The following KIAA0513 variants were observed in gnomAD, a reference collection of about 807,000 sequenced individuals.
KIAA0513 encodes the protein KIAA0513.
A neutral mutation model predicts 56.5 loss-of-function variants in KIAA0513; 39 were observed. The observed-to-expected ratio is 0.69, with a 90% CI of 0.53 to 0.90. The LOEUF is 0.90. Among genes scored for constraint, KIAA0513 ranks in the 40% least tolerant of loss-of-function variants. The pLI is 0.00. For synonymous variants in KIAA0513, 268 were observed against 215.6 expected (o/e 1.24, Z -2.13); for missense variants, 591 against 535.2 (o/e 1.10, Z -1.03).
chr16:85,079,032 C>T, intron 8 of KIAA0513, 29 bp downstream of exon 8: 1 of 1,614,066 alleles, frequency 6.2e-7, no homozygotes, highest in Non-Finnish European at 8.5e-7. Flanking sequence ...CTTCCCGTCA[C>T]CCTCTTACTG....
intron 1 of KIAA0513, among the ~76,000 whole-genome samples, chr16:85,038,059 G>A (rs1340941588): frequency 6.6e-6 from 1 of 152,210 alleles, no homozygotes; most frequent in Non-Finnish European, 1.5e-5. Context: ...GTATTCCCAA[G>A]TCTGTAACTT....
chr16:85,055,598 G>A (rs1051718110), intron 1 of KIAA0513, among the ~76,000 whole-genome samples: 2 of 152,142 alleles, frequency 1.3e-5, no homozygotes, highest in Non-Finnish European at 2.9e-5. Context: ...CTTGACCTCA[G>A]CCCTCACCAC....
intron 10 of KIAA0513, among the ~76,000 whole-genome samples, chr16:85,083,306 T>C (rs940604126): frequency 2.6e-5 from 4 of 152,180 alleles, no homozygotes; most frequent in African/African-American, 9.6e-5. Flanking sequence ...TCTGCCTCTT[T>C]AAATAGAGTC....
At chr16:85,069,162 C>G (rs142672797) in intron 2 of KIAA0513, among the ~76,000 whole-genome samples, 3,003 of 151,822 alleles carry the variant, frequency 0.02, 45 homozygotes, top group South Asian at 0.052. Flanking sequence ...TCCCGAGTAG[C>G]TGGGACTATA....
intron 10 of KIAA0513, among the ~76,000 whole-genome samples, chr16:85,083,373 G>T (rs576930248): frequency 6.6e-6 from 1 of 152,290 alleles, no homozygotes; most frequent in South Asian, 2.1e-4. Flanking sequence ...TCTAATCAGT[G>T]GTATGTCTGT....
intron 1 of KIAA0513, among the ~76,000 whole-genome samples, chr16:85,054,546 C>T (rs1205025763): frequency 6.6e-6 from 1 of 151,232 alleles, no homozygotes; most frequent in Admixed American, 6.6e-5. Context: ...TTCTCTGTCT[C>T]AGCCTCCCAA....
intron 12 of KIAA0513, among the ~76,000 whole-genome samples, chr16:85,087,908 G>C (rs1010755720): frequency 6.6e-6 from 1 of 152,230 alleles, no homozygotes; most frequent in Non-Finnish European, 1.5e-5. Context: ...GGGGGATGCT[G>C]CCACCTCTCC....
At position 85,075,780 on chromosome 16, in the gene KIAA0513, G is replaced by T; in HGVS notation, c.504-64G>T. On this transcript the variant is annotated intron_variant, in intron 4 of 12. Transcript: ENST00000683363. ...TGTGTCAAGTGTCTCAGTGATGTCTGACCGACTTGCAGGAAGAAGCAGGTG... is the reference window on the plus strand; with the variant it reads ...TGTGTCAAGTGTCTCAGTGATGTCTTACCGACTTGCAGGAAGAAGCAGGTG... 3 of 1,462,130 alleles carry T rather than the reference G, an allele frequency of 2.1e-6. No individual in the cohort carries two copies. The South Asian group carries it at 3.4e-5, about 17-fold the overall frequency. The allele number at this position is 1,462,130 out of a possible 1,614,324, so 90.6% of individuals were successfully genotyped here. A position where few individuals can be genotyped will look rare whatever the true frequency, so the allele number is the denominator to read the frequency against.
intron 1 of KIAA0513, chr16:85,063,443 T>A (rs1167697840): frequency 6.6e-6 from 1 of 152,226 alleles, no homozygotes; most frequent in Admixed American, 6.5e-5. Flanking sequence ...TTTTTGTGTT[T>A]TTAGTAGAGA....
At chr16:85,059,108 G>A (rs781505814) in intron 1 of KIAA0513, among the ~76,000 whole-genome samples, 18 of 152,166 alleles carry the variant, frequency 1.2e-4, no homozygotes, top group Non-Finnish European at 2.4e-4. Flanking sequence ...TGGACTGTTG[G>A]ACCAACTATT....
At chr16:85,061,564 G>A (rs28706438) in intron 1 of KIAA0513, among the ~76,000 whole-genome samples, 12,668 of 152,152 alleles carry the variant, frequency 0.083, 1,691 homozygotes, top group African/African-American at 0.28. Flanking sequence ...TTGGGGACAC[G>A]AAAAGAGAGG....
At position 85,094,205 on chromosome 16, in the gene KIAA0513, G is replaced by A. The variant is rs1567554100; in HGVS notation, c.*5880G>A. 1 of 151,960 alleles carries A rather than the reference G, an allele frequency of 6.6e-6. No individual in the cohort carries two copies. The highest frequency in any genetic ancestry group is 1.5e-5 in the Non-Finnish European group (1 of 67,980). 9.4% of individuals were successfully genotyped at this position (151,960 alleles called of 1,614,324 possible). A position where few individuals can be genotyped will look rare whatever the true frequency, so the allele number is the denominator to read the frequency against. On this transcript the variant is annotated 3_prime_UTR_variant, in exon 13 of 13. Coordinates refer to ENST00000683363, the MANE Select transcript of KIAA0513 (RefSeq NM_001388359.1). ...CTTGAGTTGTCAGAAGGTAGAAACTGAAATAAACTAACTTTAAAAAAAAAA... is the reference window on the plus strand; with the variant it reads ...CTTGAGTTGTCAGAAGGTAGAAACTAAAATAAACTAACTTTAAAAAAAAAA...
intron 1 of KIAA0513, among the ~76,000 whole-genome samples, chr16:85,048,010 C>G (rs1291144522): frequency 6.6e-6 from 1 of 151,988 alleles, no homozygotes; most frequent in Non-Finnish European, 1.5e-5. Flanking sequence ...TGTGGAGTAA[C>G]CATAAGGAAA....
At chr16:85,029,511 G>T (rs971260551) in intron 1 of KIAA0513, among the ~76,000 whole-genome samples, 1 of 152,168 alleles carries the variant, frequency 6.6e-6, no homozygotes, top group Admixed American at 6.5e-5. Context: ...CTCTTTTCAC[G>T]ACAATAACTG....
intron 1 of KIAA0513, among the ~76,000 whole-genome samples, chr16:85,049,354 A>G (rs66867926): frequency 0.4 from 61,033 of 152,074 alleles, 13,681 homozygotes; most frequent in African/African-American, 0.61. Flanking sequence ...CTGAGCACCA[A>G]ATCCAAAGAC....
intron 1 of KIAA0513, among the ~76,000 whole-genome samples, chr16:85,043,990 A>C (rs2073138129): frequency 6.6e-6 from 1 of 152,190 alleles, no homozygotes; most frequent in South Asian, 2.1e-4. Flanking sequence ...AGATTGCGCC[A>C]GTGCACTCCA....
chr16:85,067,566 C>G (rs2073506051), intron 2 of KIAA0513, among the ~76,000 whole-genome samples, 166 bp downstream of exon 2: 1 of 152,194 alleles, frequency 6.6e-6, no homozygotes, highest in South Asian at 2.1e-4. Context: ...CCACTCCAGG[C>G]TGCATGCAGA....
In KIAA0513 at chr16:85,053,731, G is replaced by A. The variant is rs560034721; in HGVS notation, c.-172-13169G>A. 7.2e-5 allele frequency among the ~76,000 whole-genome samples: 11 copies of A among 152,250 alleles called. No individual in the cohort carries two copies. The South Asian group carries it at 1.7e-3, about 23-fold the overall frequency. On this transcript the variant is annotated intron_variant, in intron 1 of 12. Transcript: ENST00000683363. Reference sequence around the variant, plus strand: ...TTTAAGGCCAGGCGCGGTGGCTCACGCCTATAATCCCAGCACTTTGGGAGG... The same window carrying A: ...TTTAAGGCCAGGCGCGGTGGCTCACACCTATAATCCCAGCACTTTGGGAGG...
chr16:85,050,358 TA>T (rs367801984), intron 1 of KIAA0513, among the ~76,000 whole-genome samples: 778 of 75,036 alleles, frequency 0.01, 6 homozygotes, highest in African/African-American at 0.018. Flanking sequence ...TTTATTTATT[TA>T]TTTTTTTTGA....
Sources: gnomAD v4.1 joint callset for allele counts (sites outside exome capture counted in the v4.1 genomes callset) on GRCh38, gnomAD v4.1.1 for gene constraint, MANE v1.5 for transcripts, NCBI Gene and HGNC (gene_info 2026-07-23, HGNC 2026-07-21) for gene names.